CEP295: variants seen among roughly 807,000 people sequenced by gnomAD.
CEP295 encodes the protein centrosomal protein of 295 kDa.
In CEP295, 190 loss-of-function variants were observed where a neutral mutation model predicts 291.6. The ratio of observed to expected loss-of-function variants is 0.65; its 90% CI spans 0.58 to 0.73. The LOEUF is 0.73. CEP295 is among the 30% of genes least tolerant of loss of function. The pLI, the probability that CEP295 is intolerant of heterozygous loss-of-function variation, is 0.00. For synonymous variants in CEP295, 993 were observed against 1,038.8 expected, an observed-to-expected ratio of 0.96 and a Z score of 0.85; for missense variants, 2,863 against 2,949.4, an observed-to-expected ratio of 0.97 and a Z score of 0.68.
chr11:93,662,055 C>T (rs888464625), intron 1 of CEP295, among the ~76,000 whole-genome samples: 6 of 152,354 alleles, frequency 3.9e-5, no homozygotes, highest in South Asian at 4.1e-4. Context: ...GCAGCCTCCC[C>T]TGTCGCGGAG....
intron 9 of CEP295, among the ~76,000 whole-genome samples, chr11:93,686,486 G>GTTGT (rs763338546): frequency 7.2e-5 from 11 of 152,176 alleles, no homozygotes; most frequent in Admixed American, 4.6e-4. Context: ...GTGTTGCCAA[G>GTTGT]TTGTTTGTTT....
intron 1 of CEP295, among the ~76,000 whole-genome samples, chr11:93,664,947 A>T (rs1331863239): frequency 6.6e-6 from 1 of 152,224 alleles, no homozygotes; most frequent in Non-Finnish European, 1.5e-5. Context: ...AGAAAGAGCA[A>T]ACTGTAATTG....
In CEP295 at chr11:93,667,635, T is replaced by C. The variant is rs1950251179; in HGVS notation, c.137T>C (p.Leu46Ser). 10 of 1,550,490 alleles carry C rather than the reference T, an allele frequency of 6.4e-6. No individual in the cohort carries two copies. The highest frequency in any genetic ancestry group is 7.9e-6 in the Non-Finnish European group (9 of 1,146,492). ...QVREQERDIA[L>S]QIREDIKQRR... The stretch of plus-strand genomic sequence containing the variant: ...CGAGAACAAGAAAGAGATATCGCCT[T>C]ACAGATAAGAGAAGACATAAAACAG... The change falls in exon 3 of 30, where the codon TTA (leucine) becomes TCA (serine). Residue 46 changes from leucine (L) to serine (S), a missense_variant. Coordinates refer to ENST00000325212, the MANE Select transcript of CEP295 (RefSeq NM_033395.2).
chr11:93,728,562 TC>T, intron 24 of CEP295, 118 bp from the exon 25 acceptor site: 9 of 750,898 alleles, frequency 1.2e-5, no homozygotes, highest in Non-Finnish European at 1.8e-5. Context: ...TCATTGCTTT[TC>T]TTCCTCCATT....
chr11:93,712,002 T>G (rs980507431), intron 18 of CEP295, among the ~76,000 whole-genome samples: 4 of 152,088 alleles, frequency 2.6e-5, no homozygotes, highest in African/African-American at 7.2e-5. Flanking sequence ...CAATGTTTCT[T>G]TGTTGATTTT....
chr11:93,679,534 G>A lies in CEP295; in HGVS notation c.747G>A (p.Lys249=). The A allele has an allele frequency of 6.4e-7, 1 of 1,551,348 alleles. No homozygotes were observed. Among genetic ancestry groups the A allele is most frequent in the Non-Finnish European group, 8.7e-7 (1 of 1,146,798 alleles). ...KAHVRGFQAM[K]KIHLAQNQEK... The stretch of plus-strand genomic sequence containing the variant: ...ATGTACGGGGATTCCAAGCAATGAA[G>A]AAGATCCATTTGGCTCAAGTAAGAC... The change falls in exon 7 of 30, where the codon AAG becomes AAA. Residue 249 remains lysine (K), a synonymous_variant. Coordinates refer to ENST00000325212, the MANE Select transcript of CEP295 (RefSeq NM_033395.2).
chr11:93,702,701 C>G, intron 16 of CEP295, 64 bp downstream of exon 16: 1 of 1,530,814 alleles, frequency 6.5e-7, no homozygotes, highest in Admixed American at 2.0e-5. Flanking sequence ...TCCCCTGTAG[C>G]TTGCTAGTTG....
chr11:93,695,244 G>T (rs1347807773), intron 12 of CEP295, among the ~76,000 whole-genome samples: 1 of 152,238 alleles, frequency 6.6e-6, no homozygotes, highest in African/African-American at 2.4e-5. Context: ...AGTAGAAATA[G>T]TTAATGTATT....
rs1223332252 is a variant in CEP295 at position 93,723,194 on chromosome 11, T to C, written c.6101T>C (p.Val2034Ala). 1.9e-6 allele frequency: 3 copies of C among 1,552,008 alleles called. No individual in the cohort carries two copies. The highest frequency in any genetic ancestry group is 3.9e-5 in the Admixed American group (2 of 51,006). ...GTTCATAAATCTCTGTTGCCTGCAG[T>C]GGATGAAACTACATGTGGTCACACA... ...SDVHKSLLPA[V>A]DETTCGHTHF... Residue 2034 changes from valine to alanine, a missense_variant, in exon 21 of 30, where the codon GTG (valine) becomes GCG (alanine). Coordinates refer to ENST00000325212, the MANE Select transcript of CEP295 (RefSeq NM_033395.2).
At chr11:93,721,014 A>G (rs940534891) in intron 18 of CEP295, among the ~76,000 whole-genome samples, 1 of 152,196 alleles carries the variant, frequency 6.6e-6, no homozygotes, top group African/African-American at 2.4e-5. Context: ...AGCATTTCTC[A>G]TCACACTGGT....
At chr11:93,663,820 A>T (rs909378978) in intron 1 of CEP295, among the ~76,000 whole-genome samples, 1 of 152,324 alleles carries the variant, frequency 6.6e-6, no homozygotes, top group African/African-American at 2.4e-5. Flanking sequence ...AATTTGAAAT[A>T]TTAGGATTTT....
chr11:93,727,809 A>G (rs1188796830), intron 24 of CEP295, 172 bp downstream of exon 24: 11 of 531,042 alleles, frequency 2.1e-5, no homozygotes, highest in South Asian at 3.1e-5. Context: ...ACACACCACA[A>G]TGCCTGGCAG....
In CEP295 at chr11:93,684,668, A is replaced by G. The variant is rs548689638; in HGVS notation, c.1114+540A>G. Reference sequence around the variant, plus strand: ...GAAAAGGGTACTAAGTGACAGTACTATTTAAACTGCATGCTTTTTGCAAGC... The same window carrying G: ...GAAAAGGGTACTAAGTGACAGTACTGTTTAAACTGCATGCTTTTTGCAAGC... On this transcript the variant is annotated intron_variant, in intron 9 of 29. Coordinates refer to ENST00000325212, the MANE Select transcript of CEP295 (RefSeq NM_033395.2). 2.6e-5 allele frequency among the ~76,000 whole-genome samples: 4 copies of G among 152,330 alleles called. No homozygotes were observed. The East Asian group carries it at 5.8e-4, about 22-fold the overall frequency.
At position 93,663,473 on chromosome 11, in the gene CEP295, T is replaced by A. The variant is rs573085408; in HGVS notation, c.-27+1699T>A. On this transcript the variant is annotated intron_variant, in intron 1 of 29. Transcript: ENST00000325212. ...ACACAGCAACAAATGCAATGTGTTA[T>A]ATCCTTGGATTGGCTTCTGGTCCAG... Among the ~76,000 whole-genome samples, 3 of 152,382 alleles carry A rather than the reference T, an allele frequency of 2.0e-5. No homozygotes were observed. The East Asian group carries it at 5.8e-4, about 29-fold the overall frequency.
At position 93,721,251 on chromosome 11, in the gene CEP295, T is replaced by C. The variant is rs1036328016; in HGVS notation, c.5750-61T>C. The stretch of plus-strand genomic sequence containing the variant: ...ATGGTGTCCTGTGGTGCTAAGAATT[T>C]GATTTGTCTTATCCCAACTATATTT... On this transcript the variant is annotated intron_variant, in intron 18 of 29. Coordinates refer to ENST00000325212, the MANE Select transcript of CEP295 (RefSeq NM_033395.2). 4 of 936,674 alleles carry C rather than the reference T, an allele frequency of 4.3e-6. No individual in the cohort carries two copies. The African/African-American group carries it at 6.5e-5, about 15-fold the overall frequency. 58.0% of individuals were successfully genotyped at this position (936,674 alleles called of 1,614,324 possible). A position where few individuals can be genotyped will look rare whatever the true frequency, so the allele number is the denominator to read the frequency against.
In CEP295 at chr11:93,702,921, T is replaced by C; in HGVS notation, c.5596+2T>C. On this transcript the variant is annotated splice_donor_variant, in intron 17 of 29. Coordinates refer to ENST00000325212, the MANE Select transcript of CEP295 (RefSeq NM_033395.2). LOFTEE classifies it high-confidence loss of function. ...CAATTGGCAGAACTTCTATACTAGG[T>C]AAATAGATGCTTTGATAAAACAAGA... 1 of 1,526,046 alleles carries C rather than the reference T, an allele frequency of 6.6e-7. No individual in the cohort carries two copies. Among genetic ancestry groups the C allele is most frequent in the Non-Finnish European group, 8.8e-7 (1 of 1,139,108 alleles). 94.5% of individuals were successfully genotyped at this position (1,526,046 alleles called of 1,614,324 possible). A position where few individuals can be genotyped will look rare whatever the true frequency, so the allele number is the denominator to read the frequency against.
chr11:93,696,347 G>T lies in CEP295; in HGVS notation c.1699G>T (p.Val567Leu), dbSNP rs1464905624. 6.4e-7 allele frequency: 1 copy of T among 1,550,446 alleles called. No individual in the cohort carries two copies. Among genetic ancestry groups the T allele is most frequent in the Non-Finnish European group, 8.7e-7 (1 of 1,146,326 alleles). The change falls in exon 14 of 30, where the codon GTA becomes TTA. Residue 567 changes from valine (V) to leucine (L), a missense_variant. By Grantham distance (32) the Val-to-Leu change is conservative. Transcript: ENST00000325212. ...GVGIAPASCP[V>L]ISDEDSHRQM... ...TGGCATTGCTCCAGCATCATGCCCT[G>T]TAATTTCTGATGAAGATAGTCATAG...
At position 93,698,826 on chromosome 11, in the gene CEP295, C is replaced by T. The variant is rs777249065; in HGVS notation, c.3914C>T (p.Ser1305Leu). 3.4e-5 allele frequency: 52 copies of T among 1,551,644 alleles called. No homozygotes were observed. In the Middle Eastern group the frequency reaches 6.7e-4, roughly 20 times the overall value. The change falls in exon 15 of 30, where the codon TCA (serine) becomes TTA (leucine). Residue 1305 changes from serine (S) to leucine (L), a missense_variant. Physicochemically the swap from Ser to Leu is moderately radical, Grantham distance 145 (BLOSUM62 -2). Transcript: ENST00000325212. ...CAGCTTTCATTTACTTCGTTAGCTTCAGCTGAGTCTGGCACAATCCTGGAA... is the reference window on the plus strand; with the variant it reads ...CAGCTTTCATTTACTTCGTTAGCTTTAGCTGAGTCTGGCACAATCCTGGAA... The part of the protein sequence containing the change: ...LVQLSFTSLA[S>L]AESGTILEPL...
At chr11:93,728,144 C>T (rs191900339) in intron 24 of CEP295, 1 of 155,228 alleles carries the variant, frequency 6.4e-6, no homozygotes, top group African/African-American at 2.4e-5. Context: ...CACCAGTCAA[C>T]TGGTGACTGG....
Sources: gnomAD v4.1 joint callset for allele counts (sites outside exome capture counted in the v4.1 genomes callset) on GRCh38, gnomAD v4.1.1 for gene constraint, MANE v1.5 for transcripts, NCBI Gene and HGNC (gene_info 2026-07-23, HGNC 2026-07-21) for gene names.